The following MAD2L1BP variants were observed in gnomAD, a reference collection of about 807,000 sequenced individuals.
MAD2L1BP encodes MAD2L1 binding protein.
A neutral mutation model predicts 28.4 loss-of-function variants in MAD2L1BP; 22 were observed. That is an observed-to-expected ratio of 0.77 (90% CI 0.55 to 1.10). The LOEUF (loss-of-function observed/expected upper bound fraction) is 1.10. Among genes scored for constraint, MAD2L1BP ranks in the 50% least tolerant of loss-of-function variants. The pLI is 0.00. For missense variants in MAD2L1BP, 325 were observed against 350.5 expected, an observed-to-expected ratio of 0.93 and a Z score of 0.58; for synonymous variants, 146 against 133.7, an observed-to-expected ratio of 1.09 and a Z score of -0.63.
chr6:43,632,107 T>C (rs550017681), upstream of MAD2L1BP, among the ~76,000 whole-genome samples: 22 of 151,954 alleles, frequency 1.4e-4, no homozygotes, highest in African/African-American at 5.1e-4. Flanking sequence ...TCCGTGTTGG[T>C]CAGGCTGGAC....
At chr6:43,633,105 C>T, upstream of MAD2L1BP, 1 of 390,912 alleles carries the variant, frequency 2.6e-6, no homozygotes. Context: ...ACCTCGGCCT[C>T]CCAAAATGCT....
chr6:43,640,690 C>G lies in MAD2L1BP; in HGVS notation c.*157C>G. ...GCCTCCCCTCAGATTTCCTGATAGG[C>G]TGATGGCATGTGGCTGTGACTGTGA... On this transcript the variant is annotated 3_prime_UTR_variant, in exon 3 of 3. Transcript: ENST00000372171. 1.4e-6 allele frequency: 1 copy of G among 690,504 alleles called. No individual in the cohort carries two copies. Among genetic ancestry groups the G allele is most frequent in the East Asian group, 2.8e-5 (1 of 36,148 alleles). The allele number at this position is 690,504 out of a possible 1,614,324, so 42.8% of individuals were successfully genotyped here.
exon 1 of MAD2L1BP, chr6:43,629,725 C>T (rs1176626112): frequency 6.4e-7 from 1 of 1,551,302 alleles, no homozygotes; most frequent in Admixed American, 2.0e-5. Context: ...CTGCTGGCTC[C>T]GCCTCTGCCT....
chr6:43,629,876 T>C lies in MAD2L1BP; in HGVS notation c.20+107T>C, dbSNP rs1236486243. 3.6e-6 allele frequency: 5 copies of C among 1,377,276 alleles called. No individual in the cohort carries two copies. The African/African-American group carries it at 5.8e-5, about 16-fold the overall frequency. 85.3% of individuals were successfully genotyped at this position (1,377,276 alleles called of 1,614,324 possible). A position where few individuals can be genotyped will look rare whatever the true frequency, so the allele number is the denominator to read the frequency against. On this transcript the variant is annotated intron_variant, in intron 1 of 3. Transcript: ENST00000451025. ...CTTTACATAGTAGTCACTGCTTTAT[T>C]ACCAGGCTGGCACCGTCCAGGGGCT...
intron 1 of MAD2L1BP, 142 bp from the exon 2 acceptor site, chr6:43,636,239 A>G (rs1023144836): frequency 1.2e-5 from 9 of 769,664 alleles, no homozygotes; most frequent in African/African-American, 7.0e-5. Context: ...CACGGCCCAT[A>G]CTGTAGGCTG....
chr6:43,634,214 TTTTTTC>T (rs1770073022), upstream of MAD2L1BP, among the ~76,000 whole-genome samples: 2 of 139,780 alleles, frequency 1.4e-5, no homozygotes, highest in African/African-American at 3.1e-5. Context: ...TTTTTTTTCT[TTTTTTC>T]TTTTTTTTTT....
At chr6:43,631,843 C>G (rs946932039), upstream of MAD2L1BP, among the ~76,000 whole-genome samples, 4 of 151,796 alleles carry the variant, frequency 2.6e-5, no homozygotes, top group African/African-American at 9.7e-5. Flanking sequence ...TTTGGGAGGC[C>G]GAGATGGGAG....
upstream of MAD2L1BP, among the ~76,000 whole-genome samples, chr6:43,633,021 T>TA (rs1770013135): frequency 6.6e-6 from 1 of 151,486 alleles, no homozygotes. Context: ...AAACTCCATC[T>TA]AAAAACAAAC....
chr6:43,629,778 G>T (rs1191729895), intron 1 of MAD2L1BP: 2 of 1,563,858 alleles, frequency 1.3e-6, no homozygotes, highest in East Asian at 2.4e-5. Context: ...GGGTGAGTCA[G>T]GGCGAACGCC....
intron 2 of MAD2L1BP, among the ~76,000 whole-genome samples, chr6:43,638,152 C>T (rs1174595361): frequency 6.6e-6 from 1 of 152,084 alleles, no homozygotes; most frequent in Non-Finnish European, 1.5e-5. Context: ...CCCGCCTTGG[C>T]CTCCCAAAGT....
intron 1 of MAD2L1BP, among the ~76,000 whole-genome samples, chr6:43,630,658 G>A (rs1352868155): frequency 4.6e-5 from 7 of 151,756 alleles, no homozygotes; most frequent in African/African-American, 7.3e-5. Context: ...CAGGAGAATC[G>A]CTTGAACCCG....
chr6:43,629,698 C>T (rs1769773183), exon 1 of MAD2L1BP: 42 of 1,545,174 alleles, frequency 2.7e-5, no homozygotes, highest in Non-Finnish European at 3.6e-5. Context: ...AGAACTGAGG[C>T]TACTGGTGCC....
chr6:43,633,400 G>A, upstream of MAD2L1BP: 1 of 293,022 alleles, frequency 3.4e-6, no homozygotes, highest in Non-Finnish European at 6.7e-6. Context: ...TCAAACTCCC[G>A]ACCTCAGGTG....
chr6:43,633,854 C>T (rs1770054198), upstream of MAD2L1BP, among the ~76,000 whole-genome samples: 1 of 152,182 alleles, frequency 6.6e-6, no homozygotes, highest in Non-Finnish European at 1.5e-5. Flanking sequence ...GGAGTACAGG[C>T]ATGAGCCACC....
chr6:43,638,199 A>C (rs1461180157), intron 2 of MAD2L1BP, among the ~76,000 whole-genome samples: 1 of 150,546 alleles, frequency 6.6e-6, no homozygotes, highest in Non-Finnish European at 1.5e-5. Flanking sequence ...CTCCTGGCCC[A>C]CCTGGCTAAT....
chr6:43,639,077 C>T (rs1453665106), intron 2 of MAD2L1BP, among the ~76,000 whole-genome samples: 1 of 152,072 alleles, frequency 6.6e-6, no homozygotes, highest in Non-Finnish European at 1.5e-5. Context: ...GTTTGCATCC[C>T]TTGGGGGTCC....
chr6:43,640,236 C>T lies in MAD2L1BP; in HGVS notation c.528C>T (p.Ser176=), dbSNP rs377500640. The change falls in exon 3 of 3, where the codon AGC becomes AGT. Residue 176 remains serine, a synonymous_variant. Coordinates refer to ENST00000372171, the MANE Select transcript of MAD2L1BP (RefSeq NM_014628.3). ...ACTTGTCTCTGCTGGCCCCCTACAG[C>T]GTGGACCAGAGCCTGAGCACAGCAG... ...ELDLSLLAPY[S]VDQSLSTAAC... The T allele has an allele frequency of 1.3e-5, 21 of 1,613,830 alleles. No individual in the cohort carries two copies. The highest frequency in any genetic ancestry group is 6.7e-5 in the African/African-American group (5 of 74,922).
At chr6:43,633,417 A>G (rs1172833133), upstream of MAD2L1BP, 1 of 267,734 alleles carries the variant, frequency 3.7e-6, no homozygotes, top group Non-Finnish European at 7.4e-6. Context: ...GGTGATCTGC[A>G]CACCTCGACC....
At chr6:43,637,550 C>CA (rs1465116656) in intron 2 of MAD2L1BP, among the ~76,000 whole-genome samples, 1 of 151,502 alleles carries the variant, frequency 6.6e-6, no homozygotes. Context: ...CTCAGCCTCC[C>CA]CAGTAGCTGG....
Sources: allele counts gnomAD v4.1 joint callset (sites outside exome capture counted in the v4.1 genomes callset), GRCh38; gene constraint gnomAD v4.1.1; transcripts MANE v1.5; gene names NCBI Gene and HGNC (gene_info 2026-07-23, HGNC 2026-07-21).